CCDC6: variants seen among roughly 807,000 people sequenced by gnomAD.
The protein encoded by CCDC6 is coiled-coil domain-containing protein 6.
CCDC6 carries 20 observed loss-of-function variants against 56.6 expected under a neutral mutation model. That is an observed-to-expected ratio of 0.35 (90% confidence interval 0.25 to 0.51). CCDC6 has a LOEUF of 0.51. Among genes scored for constraint, CCDC6 ranks in the 20% least tolerant of loss-of-function variants. The pLI is 0.95. For missense variants in CCDC6, 367 were observed against 601.1 expected, an observed-to-expected ratio of 0.61 and a Z score of 4.07; for synonymous variants, 241 against 234.4, an observed-to-expected ratio of 1.03 and a Z score of -0.26.
chr10:59,804,222 C>A (rs2070600807), intron 7 of CCDC6, among the ~76,000 whole-genome samples, 198 bp downstream of exon 7: 1 of 150,766 alleles, frequency 6.6e-6, no homozygotes. Flanking sequence ...AGAGAAACAC[C>A]AGCTGACACT....
At chr10:59,846,949 A>T (rs1222093945) in intron 2 of CCDC6, among the ~76,000 whole-genome samples, 1 of 152,256 alleles carries the variant, frequency 6.6e-6, no homozygotes, top group Non-Finnish European at 1.5e-5. Context: ...AGGTGGGAAA[A>T]TCCACAATTG....
At chr10:59,820,517 T>C (rs1405812496) in intron 3 of CCDC6, among the ~76,000 whole-genome samples, 2 of 152,118 alleles carry the variant, frequency 1.3e-5, no homozygotes, top group African/African-American at 4.8e-5. Context: ...GTAAAGGCTA[T>C]CATATAAATA....
At chr10:59,839,471 G>C (rs1386309594) in intron 2 of CCDC6, among the ~76,000 whole-genome samples, 1 of 152,162 alleles carries the variant, frequency 6.6e-6, no homozygotes, top group African/African-American at 2.4e-5. Context: ...ACAACGGTTG[G>C]GGGTGGGGTG....
chr10:59,803,034 C>T (rs1380877830), intron 7 of CCDC6, among the ~76,000 whole-genome samples: 1 of 152,154 alleles, frequency 6.6e-6, no homozygotes, highest in Non-Finnish European at 1.5e-5. Flanking sequence ...AGACCTTTAT[C>T]ATGGTAATGA....
At chr10:59,876,255 G>T (rs1028453276) in intron 1 of CCDC6, among the ~76,000 whole-genome samples, 23 of 151,496 alleles carry the variant, frequency 1.5e-4, no homozygotes, top group African/African-American at 5.6e-4. Context: ...CTCCATGTTG[G>T]CCAGGCTAGT....
chr10:59,833,363 C>G (rs552178994), intron 2 of CCDC6, among the ~76,000 whole-genome samples: 2 of 152,158 alleles, frequency 1.3e-5, no homozygotes, highest in Admixed American at 1.3e-4. Flanking sequence ...ACAAGAGAAT[C>G]GCTTGAACCC....
At chr10:59,861,456 A>C (rs1260753373) in intron 1 of CCDC6, among the ~76,000 whole-genome samples, 6 of 147,156 alleles carry the variant, frequency 4.1e-5, no homozygotes. Context: ...AAAAAAAATC[A>C]CAAGAATGTA....
At position 59,789,128 on chromosome 10, in the gene CCDC6, T is replaced by C; in HGVS notation, c.*3789A>G. On this transcript the variant is annotated 3_prime_UTR_variant, in exon 9 of 9. Transcript: ENST00000263102. Reference sequence around the variant, plus strand: ...CTGACCAGATACTCTTCTGGAGGAATGCATTCTTAAACTGTTGTGCCTGCA... The same window carrying C: ...CTGACCAGATACTCTTCTGGAGGAACGCATTCTTAAACTGTTGTGCCTGCA... 4.4e-6 allele frequency: 1 copy of C among 229,212 alleles called. No individual in the cohort carries two copies. Among genetic ancestry groups the C allele is most frequent in the Non-Finnish European group, 8.7e-6 (1 of 115,376 alleles). The allele number at this position is 229,212 out of a possible 1,614,324, so 14.2% of individuals were successfully genotyped here.
chr10:59,897,030 G>A (rs2071468880), intron 1 of CCDC6, among the ~76,000 whole-genome samples: 1 of 152,094 alleles, frequency 6.6e-6, no homozygotes, highest in Admixed American at 6.5e-5. Context: ...CTACTTTATG[G>A]AGAATACACT....
At chr10:59,870,364 C>G (rs964983541) in intron 1 of CCDC6, among the ~76,000 whole-genome samples, 1 of 152,146 alleles carries the variant, frequency 6.6e-6, no homozygotes, top group African/African-American at 2.4e-5. Flanking sequence ...TGGAGGAGCT[C>G]AGAGTCTAGT....
chr10:59,867,698 T>C lies in CCDC6; in HGVS notation c.304-14996A>G, dbSNP rs144538308. ...CCTCCGGAGTAGCTGGGACTACAGG[T>C]GCATGATACAATGCCCAGTTAGCTT... On this transcript the variant is annotated intron_variant, in intron 1 of 8. Coordinates refer to ENST00000263102, the MANE Select transcript of CCDC6 (RefSeq NM_005436.5). Among the ~76,000 whole-genome samples, 136 of 152,190 alleles carry C rather than the reference T, an allele frequency of 8.9e-4. No homozygotes were observed. In the East Asian group the frequency reaches 0.016, roughly 18 times the overall value.
intron 1 of CCDC6, among the ~76,000 whole-genome samples, chr10:59,893,068 G>C (rs1250563451): frequency 6.6e-6 from 1 of 152,190 alleles, no homozygotes; most frequent in Non-Finnish European, 1.5e-5. Flanking sequence ...ATTAGTGAAG[G>C]AACTAGGATA....
At chr10:59,793,157 T>A in intron 8 of CCDC6, 46 bp from the exon 9 acceptor site, 1 of 1,516,814 alleles carries the variant, frequency 6.6e-7, no homozygotes, top group Non-Finnish European at 9.1e-7. Flanking sequence ...TACAGGTGGA[T>A]CTCATTCTAC....
chr10:59,852,818 T>C, intron 1 of CCDC6, 116 bp from the exon 2 acceptor site: 1 of 793,646 alleles, frequency 1.3e-6, no homozygotes, highest in Non-Finnish European at 1.8e-6. Flanking sequence ...TAAATAGAGC[T>C]CTATTTTTAG....
chr10:59,901,704 G>A (rs900157074), intron 1 of CCDC6, among the ~76,000 whole-genome samples: 3 of 152,146 alleles, frequency 2.0e-5, no homozygotes, highest in Non-Finnish European at 2.9e-5. Context: ...AGAACCACCT[G>A]AGGCCCTGCT....
chr10:59,860,987 G>A (rs2071122913), intron 1 of CCDC6, among the ~76,000 whole-genome samples: 1 of 152,094 alleles, frequency 6.6e-6, no homozygotes, highest in African/African-American at 2.4e-5. Flanking sequence ...TTGAGGTCAG[G>A]AGTTTGAGAC....
intron 2 of CCDC6, among the ~76,000 whole-genome samples, chr10:59,836,134 AG>A (rs2070880833): frequency 1.3e-5 from 2 of 151,598 alleles, no homozygotes; most frequent in African/African-American, 4.9e-5. Flanking sequence ...ACAAGGGTTA[AG>A]ATGAGCAAGA....
At chr10:59,803,462 C>T (rs1236580386) in intron 7 of CCDC6, among the ~76,000 whole-genome samples, 1 of 152,210 alleles carries the variant, frequency 6.6e-6, no homozygotes, top group Non-Finnish European at 1.5e-5. Flanking sequence ...CTGCCTCTGT[C>T]ACAGTCCCCT....
chr10:59,836,282 T>C (rs996739386), intron 2 of CCDC6, among the ~76,000 whole-genome samples: 16 of 152,138 alleles, frequency 1.1e-4, no homozygotes, highest in South Asian at 2.1e-4. Context: ...GTGGCTCCAA[T>C]AGGGTTTGAA....
Sources: allele counts gnomAD v4.1 joint callset (sites outside exome capture counted in the v4.1 genomes callset), GRCh38; gene constraint gnomAD v4.1.1; transcripts MANE v1.5; gene names NCBI Gene and HGNC (gene_info 2026-07-23, HGNC 2026-07-21).